Variants in GLT8D2 observed in about 807,000 individuals in gnomAD.
GLT8D2 encodes glycosyltransferase 8 domain containing 2, also known as glycosyltransferase 8 domain-containing protein 2.
A neutral mutation model predicts 44.5 loss-of-function variants in GLT8D2; 45 were observed. The observed-to-expected ratio is 1.01, with a 90% confidence interval of 0.80 to 1.30. The LOEUF (loss-of-function observed/expected upper bound fraction) is 1.30. GLT8D2 is among the 50% of genes most tolerant of loss of function. The pLI, the probability that GLT8D2 is intolerant of heterozygous loss-of-function variation, is 0.00. For synonymous variants in GLT8D2, 156 were observed against 157.2 expected (o/e 0.99, Z 0.06); for missense variants, 400 against 430.4 (o/e 0.93, Z 0.62).
At chr12:104,021,566 C>A (rs1334081813) in intron 1 of GLT8D2, 75 bp from the exon 2 acceptor site, 1 of 152,184 alleles carries the variant, frequency 6.6e-6, no homozygotes, top group East Asian at 1.9e-4. Context: ...GATGCTTGAG[C>A]CCAGGAGTTG....
chr12:103,990,420 G>C (rs1355259551), intron 10 of GLT8D2, among the ~76,000 whole-genome samples: 1 of 151,898 alleles, frequency 6.6e-6, no homozygotes, highest in Non-Finnish European at 1.5e-5. Context: ...TCATGACTTC[G>C]AGAGACTATG....
intron 4 of GLT8D2, among the ~76,000 whole-genome samples, chr12:104,009,212 G>C (rs1312609024): frequency 2.0e-5 from 3 of 152,216 alleles, no homozygotes; most frequent in Admixed American, 6.5e-5. Context: ...CAGCTGGGAG[G>C]GAGGCTGTAT....
At chr12:104,007,547 A>G (rs1875230764) in intron 4 of GLT8D2, among the ~76,000 whole-genome samples, 1 of 152,224 alleles carries the variant, frequency 6.6e-6, no homozygotes, top group African/African-American at 2.4e-5. Context: ...ACATGAGAGA[A>G]TGCTCATAAA....
At position 103,997,397 on chromosome 12, in the gene GLT8D2, T is replaced by G. The variant is rs1555276724; in HGVS notation, c.487+54A>C. 1.2e-5 allele frequency: 15 copies of G among 1,237,888 alleles called. No homozygotes were observed. In the South Asian group the frequency reaches 1.7e-4, roughly 14 times the overall value. 76.7% of individuals were successfully genotyped at this position (1,237,888 alleles called of 1,614,324 possible). ...TTTGAAAAATGAAGAGAGACAGTTA[T>G]TCTACTTATCAGCTGCTTCTTTTCC... is the stretch of plus-strand genomic sequence containing the variant. On this transcript the variant is annotated intron_variant, in intron 7 of 10. Coordinates refer to ENST00000360814, the MANE Select transcript of GLT8D2 (RefSeq NM_001384711.1).
rs866398623 is a variant in GLT8D2 at position 104,016,733 on chromosome 12, A to G, written c.20-1628T>C. Among the ~76,000 whole-genome samples, 262 of 83,004 alleles carry G rather than the reference A, an allele frequency of 3.2e-3. 3 individuals carry two copies. The highest frequency in any genetic ancestry group is 4.6e-3 in the Non-Finnish European group (189 of 41,268). 54.5% of individuals were successfully genotyped at this position (83,004 alleles called of 152,430 possible). A position where few individuals can be genotyped will look rare whatever the true frequency, so the allele number is the denominator to read the frequency against. On this transcript the variant is annotated intron_variant, in intron 3 of 10. Transcript: ENST00000360814. ...AGAGAAAGAAAGAAAGAAAGAAAGAAAGAAAGAAAGAAAGAAAGAAAGAAA... is the reference window on the plus strand; with the variant it reads ...AGAGAAAGAAAGAAAGAAAGAAAGAGAGAAAGAAAGAAAGAAAGAAAGAAA...
intron 1 of GLT8D2, among the ~76,000 whole-genome samples, chr12:104,057,791 T>G (rs577332169): frequency 1.8e-4 from 27 of 152,356 alleles, no homozygotes; most frequent in Admixed American, 7.8e-4. Flanking sequence ...GTACTTTACA[T>G]GTATTATTTC....
intron 1 of GLT8D2, among the ~76,000 whole-genome samples, chr12:104,029,281 T>G (rs1878950648): frequency 6.6e-6 from 1 of 151,126 alleles, no homozygotes; most frequent in Non-Finnish European, 1.5e-5. Context: ...AGAGTGAGAC[T>G]CCATCTCAAA....
intron 5 of GLT8D2, among the ~76,000 whole-genome samples, chr12:104,001,041 AC>A (rs1158619038): frequency 6.6e-6 from 1 of 152,242 alleles, no homozygotes; most frequent in Non-Finnish European, 1.5e-5. Flanking sequence ...GATAGTGTTA[AC>A]AATCTGATAG....
chr12:104,037,323 C>T (rs1385894497), intron 1 of GLT8D2, among the ~76,000 whole-genome samples: 1 of 152,064 alleles, frequency 6.6e-6, no homozygotes, highest in Non-Finnish European at 1.5e-5. Context: ...CAGAGCAGAA[C>T]TGAAGGAGAT....
At chr12:104,028,745 G>C (rs965781460) in intron 1 of GLT8D2, among the ~76,000 whole-genome samples, 1 of 152,108 alleles carries the variant, frequency 6.6e-6, no homozygotes, top group Non-Finnish European at 1.5e-5. Context: ...CATTCTCAAA[G>C]TAATCACACT....
chr12:104,014,216 G>A (rs546262704), intron 4 of GLT8D2: 102 of 674,448 alleles, frequency 1.5e-4, no homozygotes, highest in East Asian at 1.3e-3. Flanking sequence ...TTAGCTGGGC[G>A]TGGTGGCACA....
chr12:104,063,471 A>G (rs78364980), intron 1 of GLT8D2, among the ~76,000 whole-genome samples: 1 of 152,210 alleles, frequency 6.6e-6, no homozygotes, highest in Non-Finnish European at 1.5e-5. Flanking sequence ...ACTGGAGCCC[A>G]GGAGCTCGAG....
chr12:104,063,214 T>C (rs1252905042), intron 1 of GLT8D2, among the ~76,000 whole-genome samples: 2 of 152,136 alleles, frequency 1.3e-5, no homozygotes, highest in Admixed American at 6.5e-5. Context: ...TAGTGAAGCA[T>C]ATTAACATAT....
intron 1 of GLT8D2, among the ~76,000 whole-genome samples, chr12:104,039,548 C>G (rs1880310487): frequency 6.6e-6 from 1 of 151,552 alleles, no homozygotes; most frequent in Non-Finnish European, 1.5e-5. Flanking sequence ...TGAAAAAATG[C>G]TCATCGTCAC....
chr12:104,041,317 G>A (rs2136474441), intron 1 of GLT8D2, among the ~76,000 whole-genome samples: 1 of 152,350 alleles, frequency 6.6e-6, no homozygotes, highest in South Asian at 2.1e-4. Context: ...AGGAGGCTGA[G>A]GTAGGAGAAT....
intron 1 of GLT8D2, among the ~76,000 whole-genome samples, chr12:104,046,515 C>T (rs1251268788): frequency 6.6e-6 from 1 of 152,194 alleles, no homozygotes; most frequent in African/African-American, 2.4e-5. Flanking sequence ...GTTACTACAG[C>T]CAACCACTTT....
intron 1 of GLT8D2, among the ~76,000 whole-genome samples, chr12:104,060,083 C>T (rs193203658): frequency 2.6e-5 from 4 of 152,314 alleles, no homozygotes; most frequent in East Asian, 1.9e-4. Flanking sequence ...GTTGCTTCTT[C>T]GTCCTCTTCT....
At chr12:104,034,236 G>A (rs1879676795) in intron 1 of GLT8D2, among the ~76,000 whole-genome samples, 1 of 152,212 alleles carries the variant, frequency 6.6e-6, no homozygotes, top group Non-Finnish European at 1.5e-5. Context: ...GCAGAAGATG[G>A]GTGATTTCTG....
At chr12:104,053,430 C>T (rs1326939750), upstream of GLT8D2, among the ~76,000 whole-genome samples, 1 of 152,186 alleles carries the variant, frequency 6.6e-6, no homozygotes, top group Non-Finnish European at 1.5e-5. Context: ...CCTTTGGAGA[C>T]AGACATACCT....
Sources: gnomAD v4.1 joint callset for allele counts (sites outside exome capture counted in the v4.1 genomes callset) on GRCh38, gnomAD v4.1.1 for gene constraint, MANE v1.5 for transcripts, NCBI Gene and HGNC (gene_info 2026-07-23, HGNC 2026-07-21) for gene names.